The following MBNL1 variants were observed in gnomAD, a reference collection of about 807,000 sequenced individuals.
The protein encoded by MBNL1 is muscleblind-like protein 1.
Under a neutral mutation model 42.2 loss-of-function variants are expected in MBNL1, and 8 were observed. The ratio of observed to expected loss-of-function variants is 0.19; its 90% CI spans 0.11 to 0.34. The LOEUF is 0.34. Among genes scored for constraint, MBNL1 ranks in the 10% least tolerant of loss-of-function variants. The pLI is 1.00. For synonymous variants in MBNL1, 169 were observed against 173.9 expected, an observed-to-expected ratio of 0.97 and a Z score of 0.22; for missense variants, 309 against 495.3, an observed-to-expected ratio of 0.62 and a Z score of 3.57.
chr3:152,454,777 T>A (rs763490026), intron 6 of MBNL1, among the ~76,000 whole-genome samples: 4 of 152,174 alleles, frequency 2.6e-5, no homozygotes, highest in African/African-American at 9.6e-5. Flanking sequence ...CTTGAAGGTC[T>A]AAACCAGCAA....
rs59868027 is a variant in MBNL1, at chr3:152,356,856, A to AGTGTGTGTGTGTGTGTGTGTGTGTGTGT, written c.174+56513_174+56514insGTGTGTGTGTGTGTGTGTGTGTGTGTGT. ...AGAGGGGATCTGGGCATATGTGTGT[A>AGTGTGTGTGTGTGTGTGTGTGTGTGTGT]GTGTGTGTGTGTGTGTGTGTGTGTT... On this transcript the variant is annotated intron_variant, in intron 2 of 9. Coordinates refer to ENST00000324210, the MANE Select transcript of MBNL1 (RefSeq NM_021038.5). Among the ~76,000 whole-genome samples the AGTGTGTGTGTGTGTGTGTGTGTGTGTGT allele has an allele frequency of 2.0e-5, 3 of 149,490 alleles. No individual in the cohort carries two copies. The South Asian group carries it at 6.4e-4, about 32-fold the overall frequency.
chr3:152,258,924 G>A (rs552589672), intron 2 of MBNL1, among the ~76,000 whole-genome samples: 34 of 152,270 alleles, frequency 2.2e-4, no homozygotes, highest in Non-Finnish European at 4.6e-4. Flanking sequence ...TAGTGTCCAC[G>A]TGGGCTTCTT....
At chr3:152,280,553 A>G (rs1375800110) in intron 1 of MBNL1, among the ~76,000 whole-genome samples, 1 of 152,146 alleles carries the variant, frequency 6.6e-6, no homozygotes, top group Admixed American at 6.6e-5. Flanking sequence ...TCCTCATGCT[A>G]AATTCTTGAT....
chr3:152,416,668 A>G (rs2098707168), intron 3 of MBNL1, among the ~76,000 whole-genome samples: 1 of 152,234 alleles, frequency 6.6e-6, no homozygotes, highest in African/African-American at 2.4e-5. Flanking sequence ...TGAGATCAGC[A>G]AGTGTGTTCC....
At chr3:152,353,990 TA>T (rs1363800758) in intron 2 of MBNL1, among the ~76,000 whole-genome samples, 6 of 152,188 alleles carry the variant, frequency 3.9e-5, no homozygotes, top group Non-Finnish European at 7.3e-5. Flanking sequence ...TGCTACATGA[TA>T]GAGATTCATT....
At chr3:152,425,830 C>T (rs2098921246) in intron 3 of MBNL1, among the ~76,000 whole-genome samples, 1 of 152,050 alleles carries the variant, frequency 6.6e-6, no homozygotes, top group African/African-American at 2.4e-5. Flanking sequence ...AACATTTGAC[C>T]CAGCAGTCCC....
intron 1 of MBNL1, among the ~76,000 whole-genome samples, chr3:152,277,209 T>C (rs2150135739): frequency 6.6e-6 from 1 of 152,290 alleles, no homozygotes; most frequent in East Asian, 1.9e-4. Context: ...TTCAAAGCAC[T>C]GGATGGTGAT....
chr3:152,331,155 T>A (rs1192153784), intron 2 of MBNL1, among the ~76,000 whole-genome samples: 1 of 151,762 alleles, frequency 6.6e-6, no homozygotes, highest in Non-Finnish European at 1.5e-5. Context: ...TCTTCTTCTC[T>A]TTTCATACTC....
At chr3:152,257,987 T>C (rs2035686126) in intron 2 of MBNL1, among the ~76,000 whole-genome samples, 1 of 152,182 alleles carries the variant, frequency 6.6e-6, no homozygotes, top group Non-Finnish European at 1.5e-5. Context: ...TCAATAGTTA[T>C]GTTTCTAAAG....
chr3:152,393,810 A>T (rs1418941307), intron 2 of MBNL1, among the ~76,000 whole-genome samples: 2 of 152,184 alleles, frequency 1.3e-5, no homozygotes. Context: ...CGTGAGCTAT[A>T]GTTGGCACAG....
intron 2 of MBNL1, among the ~76,000 whole-genome samples, chr3:152,395,173 A>G (rs1174095337): frequency 6.6e-6 from 1 of 152,070 alleles, no homozygotes; most frequent in African/African-American, 2.4e-5. Flanking sequence ...GCTTTTATTT[A>G]ATTATTATAT....
rs549863194 is a variant in MBNL1, at chr3:152,322,938, A to G, written c.174+22571A>G. Among the ~76,000 whole-genome samples, 43 of 152,188 alleles carry G rather than the reference A, an allele frequency of 2.8e-4. No individual in the cohort carries two copies. The South Asian group carries it at 4.8e-3, about 17-fold the overall frequency. On this transcript the variant is annotated intron_variant, in intron 2 of 9. Coordinates refer to ENST00000324210, the MANE Select transcript of MBNL1 (RefSeq NM_021038.5). ...GAATTACATTTGTTTTATTGAGTCT[A>G]TTTAAGCCAGGATACTGTTAAGTAA... is the stretch of plus-strand genomic sequence containing the variant.
chr3:152,260,371 C>T (rs1027403683), intron 2 of MBNL1, among the ~76,000 whole-genome samples: 7 of 152,122 alleles, frequency 4.6e-5, no homozygotes, highest in Non-Finnish European at 8.8e-5. Flanking sequence ...GGCACATTCA[C>T]GAAGGCCATA....
chr3:152,246,582 T>G (rs1434573979), intron 2 of MBNL1, among the ~76,000 whole-genome samples: 1 of 151,848 alleles, frequency 6.6e-6, no homozygotes, highest in Non-Finnish European at 1.5e-5. Flanking sequence ...ATAAATATGA[T>G]AAATAATTTA....
intron 2 of MBNL1, among the ~76,000 whole-genome samples, chr3:152,245,738 G>T (rs1179015313): frequency 6.6e-6 from 1 of 152,086 alleles, no homozygotes; most frequent in Non-Finnish European, 1.5e-5. Flanking sequence ...ACACCAATAA[G>T]TTGCACCAAT....
At chr3:152,396,519 A>C (rs1279843712) in intron 2 of MBNL1, among the ~76,000 whole-genome samples, 1 of 152,170 alleles carries the variant, frequency 6.6e-6, no homozygotes, top group East Asian at 1.9e-4. Context: ...TAATGTAGTT[A>C]GTACATTTAC....
intron 2 of MBNL1, among the ~76,000 whole-genome samples, chr3:152,321,624 G>A (rs187155852): frequency 2.6e-5 from 4 of 151,996 alleles, no homozygotes; most frequent in Admixed American, 1.3e-4. Context: ...CATTTTATTC[G>A]TTAGTAATTG....
At chr3:152,269,729 CTTT>C (rs746931001) in intron 1 of MBNL1, 56 of 192,144 alleles carry the variant, frequency 2.9e-4, no homozygotes, top group East Asian at 7.1e-4. Flanking sequence ...TCTTCTTCTT[CTTT>C]TTTTTTTCAT....
At chr3:152,449,587 G>A (rs547196273) in intron 6 of MBNL1, among the ~76,000 whole-genome samples, 1 of 152,118 alleles carries the variant, frequency 6.6e-6, no homozygotes, top group South Asian at 2.1e-4. Context: ...CCCTAGAATA[G>A]CTTTTTGTCT....
Sources: allele counts gnomAD v4.1 joint callset (sites outside exome capture counted in the v4.1 genomes callset), GRCh38; gene constraint gnomAD v4.1.1; transcripts MANE v1.5; gene names NCBI Gene and HGNC (gene_info 2026-07-23, HGNC 2026-07-21).